Variants in PRDM1 observed in about 807,000 individuals in gnomAD.
PRDM1 encodes the protein PR/SET domain 1.
A neutral mutation model predicts 62.8 loss-of-function variants in PRDM1; 13 were observed. The ratio of observed to expected loss-of-function variants is 0.21; its 90% CI spans 0.13 to 0.33. The LOEUF (loss-of-function observed/expected upper bound fraction) is 0.33. PRDM1 is among the 10% of genes least tolerant of loss of function. PRDM1 has a pLI of 1.00. For synonymous variants in PRDM1, 396 were observed against 417.6 expected, an observed-to-expected ratio of 0.95 and a Z score of 0.63; for missense variants, 895 against 1,058.8, an observed-to-expected ratio of 0.85 and a Z score of 2.15.
At chr6:106,032,981 C>A (rs1772867623) in intron 1 of PRDM1, among the ~76,000 whole-genome samples, 1 of 152,094 alleles carries the variant, frequency 6.6e-6, no homozygotes, top group Admixed American at 6.6e-5. Flanking sequence ...CTCATTTAAT[C>A]CTCACAAAAG....
chr6:106,098,879 C>T, intron 3 of PRDM1: 6 of 1,511,432 alleles, frequency 4.0e-6, no homozygotes, highest in Non-Finnish European at 4.4e-6. Flanking sequence ...CGTCGTCAGC[C>T]GGCTTGGTCT....
Position 106,105,831 on chromosome 6 carries a change from C to T in PRDM1, c.1671C>T (p.Thr557=), listed in dbSNP as rs200039491. ...MNLIKNKRNM[T]GYKTLPYPLK... is the part of the protein sequence containing the mutation. ...TCATTAAAAACAAAAGAAACATGACCGGCTACAAGACCCTTCCCTACCCGC... is the reference window on the plus strand; with the variant it reads ...TCATTAAAAACAAAAGAAACATGACTGGCTACAAGACCCTTCCCTACCCGC... The change falls in exon 5 of 7, where the codon ACC becomes ACT. Residue 557 remains threonine (T), a synonymous_variant. Coordinates refer to ENST00000369096, the MANE Select transcript of PRDM1 (RefSeq NM_001198.4). 1.9e-5 allele frequency: 31 copies of T among 1,614,208 alleles called. No homozygotes were observed. The East Asian group carries it at 2.2e-4, about 12-fold the overall frequency.
chr6:106,045,274 G>C (rs1773056569), upstream of PRDM1: 1 of 152,086 alleles, frequency 6.6e-6, no homozygotes, highest in Non-Finnish European at 1.5e-5. Flanking sequence ...AGGGCAGATT[G>C]GGTGTCTGTA....
chr6:106,083,767 A>G (rs1212406180), upstream of PRDM1, among the ~76,000 whole-genome samples: 1 of 152,212 alleles, frequency 6.6e-6, no homozygotes, highest in Non-Finnish European at 1.5e-5. Context: ...CTTGGGGGGA[A>G]ATAATATAGT....
At chr6:105,998,747 T>G (rs1023799922) in intron 1 of PRDM1, among the ~76,000 whole-genome samples, 2 of 152,092 alleles carry the variant, frequency 1.3e-5, no homozygotes, top group Admixed American at 6.5e-5. Context: ...GCCCAAGGAC[T>G]GTTAGTCAAC....
At chr6:106,035,818 G>T (rs1183223946) in intron 1 of PRDM1, among the ~76,000 whole-genome samples, 2 of 146,776 alleles carry the variant, frequency 1.4e-5, no homozygotes, top group African/African-American at 4.9e-5. Flanking sequence ...TTCTAATTCA[G>T]TCTGCCAATC....
intron 1 of PRDM1, among the ~76,000 whole-genome samples, chr6:106,051,150 G>A (rs768618549): frequency 5.3e-5 from 8 of 152,260 alleles, no homozygotes; most frequent in African/African-American, 1.4e-4. Flanking sequence ...CATTGAGCCC[G>A]ACTGAAGAGA....
intron 3 of PRDM1, 135 bp downstream of exon 3, chr6:106,095,869 A>T (rs1774101924): frequency 1.1e-6 from 1 of 949,294 alleles, no homozygotes; most frequent in East Asian, 2.6e-5. Context: ...ATCCCCATGG[A>T]CACAGGGAAT....
chr6:106,087,924 T>C lies in PRDM1; in HGVS notation c.43-277T>C, dbSNP rs558837081. 1.3e-4 allele frequency: 47 copies of C among 351,184 alleles called. 1 individual carries two copies. In the South Asian group the frequency reaches 2.1e-3, roughly 16 times the overall value. 21.8% of individuals were successfully genotyped at this position (351,184 alleles called of 1,614,324 possible). A position where few individuals can be genotyped will look rare whatever the true frequency, so the allele number is the denominator to read the frequency against. On this transcript the variant is annotated intron_variant, in intron 1 of 6. Coordinates refer to ENST00000369096, the MANE Select transcript of PRDM1 (RefSeq NM_001198.4). ...CCATGAGAGGTAAAGCCAGGGATTG[T>C]TCAGAGGTGATTCTTTTTTTTTTTT...
chr6:106,100,795 C>T (rs184210381), intron 4 of PRDM1, among the ~76,000 whole-genome samples: 15 of 152,234 alleles, frequency 9.9e-5, no homozygotes, highest in African/African-American at 3.1e-4. Flanking sequence ...TAGGGGAGGT[C>T]GTGTGTTTGG....
At chr6:106,001,819 A>G (rs1006728052) in intron 1 of PRDM1, among the ~76,000 whole-genome samples, 1 of 152,134 alleles carries the variant, frequency 6.6e-6, no homozygotes. Flanking sequence ...GCTCTCCTGT[A>G]TGGATTGTAG....
intron 1 of PRDM1, among the ~76,000 whole-genome samples, chr6:106,010,724 A>T (rs1015225320): frequency 5.3e-5 from 8 of 152,180 alleles, no homozygotes; most frequent in Non-Finnish European, 2.9e-5. Flanking sequence ...GAAGCATGAC[A>T]CCGTGGAGCC....
At chr6:106,075,254 A>G (rs545605827) in intron 1 of PRDM1, among the ~76,000 whole-genome samples, 8 of 152,206 alleles carry the variant, frequency 5.3e-5, no homozygotes, top group African/African-American at 1.7e-4. Flanking sequence ...ACAGTCTATT[A>G]TTTTCAGTGG....
At position 106,086,888 on chromosome 6, in the gene PRDM1, A is replaced by G. The variant is rs111260995; in HGVS notation, c.42+293A>G. On this transcript the variant is annotated intron_variant, in intron 1 of 6. Transcript: ENST00000369096. ...AGTTTTCTATTTTATTTTATTTTTA[A>G]CATGTGTTTGGCGTCATGACTCTAC... Among the ~76,000 whole-genome samples the G allele has an allele frequency of 3.7e-3, 569 of 152,258 alleles. 2 individuals carry two copies. The highest frequency in any genetic ancestry group is 0.017 in the Middle Eastern group (5 of 294).
At chr6:106,055,694 G>A (rs74776872) in intron 1 of PRDM1, among the ~76,000 whole-genome samples, 2,212 of 152,242 alleles carry the variant, frequency 0.015, 23 homozygotes, top group Non-Finnish European at 0.023. Flanking sequence ...AGAACTTGTG[G>A]ACATTTCACC....
intron 1 of PRDM1, among the ~76,000 whole-genome samples, chr6:106,079,460 A>G (rs1409974056): frequency 6.6e-6 from 1 of 152,208 alleles, no homozygotes; most frequent in African/African-American, 2.4e-5. Flanking sequence ...TCATTGATGA[A>G]TATTGTATCT....
chr6:106,031,744 A>G (rs539568910), intron 1 of PRDM1, among the ~76,000 whole-genome samples: 1 of 152,306 alleles, frequency 6.6e-6, no homozygotes, highest in Non-Finnish European at 1.5e-5. Context: ...GTGTGTGGGA[A>G]GAGGTGCCAG....
At chr6:106,007,677 T>C (rs77679733) in intron 1 of PRDM1, among the ~76,000 whole-genome samples, 4,828 of 152,298 alleles carry the variant, frequency 0.032, 116 homozygotes, top group Non-Finnish European at 0.047. Flanking sequence ...ATTTGGACTT[T>C]GCTCTCCTTT....
chr6:106,109,178 G>A lies in PRDM1; in HGVS notation c.*1692G>A. 4.4e-6 allele frequency: 1 copy of A among 225,110 alleles called. No homozygotes were observed. The highest frequency in any genetic ancestry group is 8.9e-6 in the Non-Finnish European group (1 of 112,702). 13.9% of individuals were successfully genotyped at this position (225,110 alleles called of 1,614,324 possible). A position where few individuals can be genotyped will look rare whatever the true frequency, so the allele number is the denominator to read the frequency against. On this transcript the variant is annotated 3_prime_UTR_variant, in exon 7 of 7. Coordinates refer to ENST00000369096, the MANE Select transcript of PRDM1 (RefSeq NM_001198.4). ...CTCACAATCACGTCGGTATGATTGG[G>A]CACCCTTGCCTACTGTAAGAGACCC...
Sources: gnomAD v4.1 joint callset for allele counts (sites outside exome capture counted in the v4.1 genomes callset) on GRCh38, gnomAD v4.1.1 for gene constraint, MANE v1.5 for transcripts, NCBI Gene and HGNC (gene_info 2026-07-23, HGNC 2026-07-21) for gene names.